The following GNAQ variants were observed in gnomAD, a reference collection of about 807,000 sequenced individuals.
The protein encoded by GNAQ is guanine nucleotide-binding protein G(q) subunit alpha.
A neutral mutation model predicts 43.9 loss-of-function variants in GNAQ; 8 were observed. That is an observed-to-expected ratio of 0.18 (90% CI 0.11 to 0.33). The LOEUF (loss-of-function observed/expected upper bound fraction) is 0.33. Ranked by LOEUF, GNAQ falls within the 10% of genes least tolerant of loss-of-function variation. The probability of loss-of-function intolerance (pLI) is 1.00; values close to 1 mark genes in which losing one functional copy is unlikely to be tolerated. For missense variants in GNAQ, 158 were observed against 450.8 expected, an observed-to-expected ratio of 0.35 and a Z score of 5.88; for synonymous variants, 155 against 170.7, an observed-to-expected ratio of 0.91 and a Z score of 0.71.
intron 2 of GNAQ, among the ~76,000 whole-genome samples, chr9:77,911,284 A>T (rs919535090): frequency 6.6e-6 from 1 of 152,184 alleles, no homozygotes; most frequent in African/African-American, 2.4e-5. Context: ...ATAATGCTGG[A>T]CGTCCATCAG....
At chr9:78,016,156 A>C (rs1385302368) in intron 1 of GNAQ, among the ~76,000 whole-genome samples, 1 of 152,196 alleles carries the variant, frequency 6.6e-6, no homozygotes, top group Non-Finnish European at 1.5e-5. Context: ...AAGAGACGTA[A>C]ATTTTTGTGA....
intron 1 of GNAQ, among the ~76,000 whole-genome samples, chr9:78,002,291 G>A (rs1039994255): frequency 2.6e-4 from 40 of 152,246 alleles, no homozygotes; most frequent in Non-Finnish European, 5.3e-4. Flanking sequence ...AGTTGTCAAA[G>A]ATTGAAAGGA....
At chr9:77,890,489 C>T (rs890195422) in intron 2 of GNAQ, among the ~76,000 whole-genome samples, 6 of 152,044 alleles carry the variant, frequency 3.9e-5, no homozygotes, top group African/African-American at 9.7e-5. Flanking sequence ...TTTGGGAGGC[C>T]GAGGTGGGAG....
At chr9:77,915,131 A>C (rs990703559) in intron 2 of GNAQ, among the ~76,000 whole-genome samples, 1 of 152,228 alleles carries the variant, frequency 6.6e-6, no homozygotes, top group East Asian at 1.9e-4. Context: ...TGTCTAGTAC[A>C]TTCCTAGCTT....
At chr9:77,905,930 G>C (rs940224828) in intron 2 of GNAQ, among the ~76,000 whole-genome samples, 3 of 152,114 alleles carry the variant, frequency 2.0e-5, no homozygotes, top group Admixed American at 1.3e-4. Context: ...GGAGCTGTCA[G>C]GGGGTGGGAG....
chr9:77,848,871 AT>A (rs1466808898), intron 2 of GNAQ, among the ~76,000 whole-genome samples: 3 of 152,234 alleles, frequency 2.0e-5, no homozygotes, highest in African/African-American at 7.2e-5. Context: ...TAAAAATACA[AT>A]TCAGAATCAG....
At chr9:77,773,526 C>T (rs746580195) in intron 5 of GNAQ, among the ~76,000 whole-genome samples, 1 of 152,184 alleles carries the variant, frequency 6.6e-6, no homozygotes, top group African/African-American at 2.4e-5. Flanking sequence ...GATTAACCAG[C>T]CTGAAATGAG....
At chr9:77,976,003 A>C (rs1269113516) in intron 1 of GNAQ, among the ~76,000 whole-genome samples, 1 of 152,184 alleles carries the variant, frequency 6.6e-6, no homozygotes, top group African/African-American at 2.4e-5. Flanking sequence ...GTTTGTTTTA[A>C]AGATACTACA....
rs983701083 is a variant in GNAQ at position 77,779,352 on chromosome 9, G to T, written c.735+15111C>A. On this transcript the variant is annotated intron_variant, in intron 5 of 6. Transcript: ENST00000286548. ...AGTCAAAGAAGTTAAGAAGTGTTTT[G>T]AACTAAACGAAAAATTAAAATACAA... Among the ~76,000 whole-genome samples the T allele has an allele frequency of 2.0e-5, 3 of 151,920 alleles. No homozygotes were observed. The East Asian group carries it at 5.8e-4, about 29-fold the overall frequency.
At chr9:77,899,081 C>T (rs6560619) in intron 2 of GNAQ, among the ~76,000 whole-genome samples, 1 of 152,020 alleles carries the variant, frequency 6.6e-6, no homozygotes, top group African/African-American at 2.4e-5. Flanking sequence ...CCAACCAAAT[C>T]TCACTCACCC....
At chr9:77,837,134 G>C (rs1460022853) in intron 2 of GNAQ, among the ~76,000 whole-genome samples, 6 of 152,030 alleles carry the variant, frequency 3.9e-5, no homozygotes. Flanking sequence ...GTAAAATTAA[G>C]TAACATATAT....
At chr9:77,757,792 A>G (rs1046878243) in intron 5 of GNAQ, among the ~76,000 whole-genome samples, 1 of 152,192 alleles carries the variant, frequency 6.6e-6, no homozygotes, top group African/African-American at 2.4e-5. Context: ...TCCCATTGGT[A>G]TATCAATTGG....
chr9:77,866,572 T>C (rs1290196665), intron 2 of GNAQ, among the ~76,000 whole-genome samples: 2 of 152,266 alleles, frequency 1.3e-5, no homozygotes, highest in South Asian at 2.1e-4. Context: ...ATCAGTTGCA[T>C]GTACTAATCA....
At chr9:77,868,330 C>T (rs1037519292) in intron 2 of GNAQ, among the ~76,000 whole-genome samples, 2 of 152,142 alleles carry the variant, frequency 1.3e-5, no homozygotes, top group African/African-American at 4.8e-5. Flanking sequence ...AAAGGCCAAC[C>T]TTTGTTGAAA....
chr9:77,899,731 A>T (rs141122534), intron 2 of GNAQ, among the ~76,000 whole-genome samples: 2 of 152,084 alleles, frequency 1.3e-5, no homozygotes, highest in Non-Finnish European at 2.9e-5. Context: ...GAGGCAAAAG[A>T]CCATCTGACT....
chr9:77,951,092 CTTTTTTT>C lies in GNAQ; in HGVS notation c.137-28754_137-28748del, dbSNP rs35044662. Among the ~76,000 whole-genome samples the C allele has an allele frequency of 1.0e-4, 9 of 89,296 alleles. No homozygotes were observed. The East Asian group carries it at 1.0e-3, about 10-fold the overall frequency. The allele number at this position is 89,296 out of a possible 152,430, so 58.6% of individuals were successfully genotyped here. On this transcript the variant is annotated intron_variant, in intron 1 of 6. Transcript: ENST00000286548. ...TGAATACTGAACGCAGTCAAGTGTT[CTTTTTTT>C]TTTTTTTTTTTTTTTTGAGGCAGAA...
chr9:77,990,211 CT>C (rs1277971868), intron 1 of GNAQ, among the ~76,000 whole-genome samples: 2 of 152,062 alleles, frequency 1.3e-5, no homozygotes, highest in Non-Finnish European at 2.9e-5. Flanking sequence ...GAAAATTGAT[CT>C]TTTATTTTAT....
intron 5 of GNAQ, among the ~76,000 whole-genome samples, chr9:77,732,656 G>A (rs887188466): frequency 2.0e-5 from 3 of 152,142 alleles, no homozygotes; most frequent in Non-Finnish European, 4.4e-5. Flanking sequence ...GTGAGCCACC[G>A]CACCCGGCAG....
chr9:77,741,277 T>A (rs540939497), intron 5 of GNAQ, among the ~76,000 whole-genome samples: 1 of 152,374 alleles, frequency 6.6e-6, no homozygotes, highest in South Asian at 2.1e-4. Flanking sequence ...CACAGCCACC[T>A]GAATTATTAG....
Sources: allele counts gnomAD v4.1 joint callset (sites outside exome capture counted in the v4.1 genomes callset), GRCh38; gene constraint gnomAD v4.1.1; transcripts MANE v1.5; gene names NCBI Gene and HGNC (gene_info 2026-07-23, HGNC 2026-07-21).